Variants in PI4K2A observed in about 807,000 individuals in gnomAD.
PI4K2A encodes phosphatidylinositol 4-kinase type 2 alpha, also known as phosphatidylinositol 4-kinase type 2-alpha.
PI4K2A carries 20 observed loss-of-function variants against 55.0 expected under a neutral mutation model. The ratio of observed to expected loss-of-function variants is 0.36; its 90% CI spans 0.26 to 0.53. The LOEUF (loss-of-function observed/expected upper bound fraction) is 0.53. PI4K2A is among the 20% of genes least tolerant of loss of function. PI4K2A has a pLI of 0.91. For synonymous variants in PI4K2A, 235 were observed against 258.5 expected, an observed-to-expected ratio of 0.91 and a Z score of 0.87; for missense variants, 463 against 637.1, an observed-to-expected ratio of 0.73 and a Z score of 2.94.
At chr10:97,644,117 G>A (rs1053521529) in intron 1 of PI4K2A, among the ~76,000 whole-genome samples, 5 of 152,186 alleles carry the variant, frequency 3.3e-5, no homozygotes, top group Non-Finnish European at 5.9e-5. Flanking sequence ...TTGGGAGGCC[G>A]AGGCAGGCGC....
At chr10:97,649,763 A>G (rs2041522043) in intron 1 of PI4K2A, among the ~76,000 whole-genome samples, 1 of 151,668 alleles carries the variant, frequency 6.6e-6, no homozygotes, top group East Asian at 1.9e-4. Context: ...AGCTGGGATT[A>G]CAGGTGCATG....
intron 1 of PI4K2A, among the ~76,000 whole-genome samples, chr10:97,650,409 G>A (rs1388687775): frequency 6.6e-6 from 1 of 151,360 alleles, no homozygotes; most frequent in Admixed American, 6.6e-5. Context: ...AGCCTCTGAA[G>A]TAACTGGAAT....
rs1554878118 is a variant in PI4K2A at position 97,642,865 on chromosome 10, T to TCC, written c.435+1688_435+1689insCC. Among the ~76,000 whole-genome samples, 98 of 53,738 alleles carry TCC rather than the reference T, an allele frequency of 1.8e-3. 3 individuals carry two copies. Among genetic ancestry groups the TCC allele is most frequent in the East Asian group, 9.2e-3 (15 of 1,628 alleles). 35.3% of individuals were successfully genotyped at this position (53,738 alleles called of 152,430 possible). A position where few individuals can be genotyped will look rare whatever the true frequency, so the allele number is the denominator to read the frequency against. On this transcript the variant is annotated intron_variant, in intron 1 of 8. Transcript: ENST00000370631. ...TTCCTTCCTTCCTTTCTTTCTTTCT[T>TCC]TTTCTTTCTTTCTTTCTTTCTTCCT...
At chr10:97,646,030 T>G (rs1194224420) in intron 1 of PI4K2A, among the ~76,000 whole-genome samples, 2 of 152,036 alleles carry the variant, frequency 1.3e-5, no homozygotes, top group Non-Finnish European at 2.9e-5. Context: ...CTTTTTGGGG[T>G]CCACAGGTCA....
At chr10:97,673,547 C>T in intron 8 of PI4K2A, 34 bp from the exon 9 acceptor site, 2 of 1,552,140 alleles carry the variant, frequency 1.3e-6, no homozygotes, top group Admixed American at 3.4e-5. Context: ...ATGCTGAGGC[C>T]TCTCCCTCAC....
chr10:97,651,198 A>G, intron 2 of PI4K2A, 57 bp downstream of exon 2: 3 of 1,345,610 alleles, frequency 2.2e-6, no homozygotes, highest in Non-Finnish European at 3.2e-6. Context: ...CCTGGGGCCT[A>G]AGCCCTGCTA....
intron 8 of PI4K2A, among the ~76,000 whole-genome samples, chr10:97,672,894 C>A (rs544415046): frequency 8.6e-5 from 13 of 150,874 alleles, no homozygotes; most frequent in African/African-American, 3.2e-4. Flanking sequence ...CCCCACCTGG[C>A]TAATTTTTTT....
In PI4K2A at chr10:97,656,425, G is replaced by A. The variant is rs113448659; in HGVS notation, c.768+9G>A. The A allele has an allele frequency of 1.2e-4, 191 of 1,612,694 alleles. No individual in the cohort carries two copies. In the African/African-American group the frequency reaches 1.7e-3, roughly 14 times the overall value. On this transcript the variant is annotated intron_variant, in intron 3 of 8. Transcript: ENST00000370631. This position sits in a 1 kb window ranked among gnomAD's most constrained non-coding sequence, Gnocchi z 4.5. ...TCGGGCTACCACCAAAGGTATAGAC[G>A]CACCTCTGGCTTATCAAGGGTCATG...
At chr10:97,660,715 T>C (rs1177484640) in intron 4 of PI4K2A, among the ~76,000 whole-genome samples, 1 of 152,120 alleles carries the variant, frequency 6.6e-6, no homozygotes, top group African/African-American at 2.4e-5. Flanking sequence ...ATTTTTTTTA[T>C]CCTCTCAGTT....
rs762040372 is a variant in PI4K2A, at chr10:97,673,631, C to T, written c.1329C>T (p.Leu443=). 7.4e-6 allele frequency: 12 copies of T among 1,613,922 alleles called. No individual in the cohort carries two copies. In the Admixed American group the frequency reaches 8.3e-5, roughly 11 times the overall value. Residue 443 remains leucine, a synonymous_variant, in exon 9 of 9, where the codon CTC becomes CTT. Coordinates refer to ENST00000370631, the Ensembl canonical transcript of PI4K2A. ...AAGACAACAAGAGTCCCCTGCACCTCGTCCAGATGCCACCTGTGATTGTCG... is the reference window on the plus strand; with the variant it reads ...AAGACAACAAGAGTCCCCTGCACCTTGTCCAGATGCCACCTGTGATTGTCG...
chr10:97,653,981 T>C (rs766742822), intron 2 of PI4K2A, among the ~76,000 whole-genome samples: 1 of 152,304 alleles, frequency 6.6e-6, no homozygotes, highest in South Asian at 2.1e-4. Flanking sequence ...GCTTAACATA[T>C]AGCTGCTGGA....
intron 4 of PI4K2A, among the ~76,000 whole-genome samples, chr10:97,662,468 T>C (rs1035284100): frequency 1.5e-4 from 23 of 152,174 alleles, no homozygotes; most frequent in African/African-American, 4.8e-4. Context: ...TGAGGGGAGC[T>C]TAGTGTATTT....
intron 1 of PI4K2A, among the ~76,000 whole-genome samples, chr10:97,642,556 A>G (rs1326526832): frequency 1.3e-5 from 2 of 151,662 alleles, no homozygotes; most frequent in Admixed American, 1.3e-4. Context: ...GTGCACCACC[A>G]CACCCAGCTA....
chr10:97,646,720 T>C (rs891162855), intron 1 of PI4K2A, among the ~76,000 whole-genome samples: 1 of 152,142 alleles, frequency 6.6e-6, no homozygotes, highest in African/African-American at 2.4e-5. Context: ...CCCTCCTCCT[T>C]GTCATTGCTG....
chr10:97,644,862 G>A (rs548294140), intron 1 of PI4K2A, among the ~76,000 whole-genome samples: 1 of 152,222 alleles, frequency 6.6e-6, no homozygotes, highest in East Asian at 1.9e-4. Flanking sequence ...CAGAGATTGG[G>A]AGAACCAGCA....
chr10:97,671,149 A>AAG (rs1554879769), intron 8 of PI4K2A, among the ~76,000 whole-genome samples: 14 of 151,560 alleles, frequency 9.2e-5, no homozygotes, highest in East Asian at 1.9e-4. Context: ...GAAAAAAAAA[A>AAG]AGAGAGAGAG....
chr10:97,672,837 T>C (rs1040263247), intron 8 of PI4K2A, among the ~76,000 whole-genome samples: 1 of 149,544 alleles, frequency 6.7e-6, no homozygotes, highest in East Asian at 2.0e-4. Flanking sequence ...GTTCAAGTGA[T>C]TCTTATGCCC....
At chr10:97,675,597 T>C (rs1271848891) in exon 9 of PI4K2A, 1 of 152,480 alleles carries the variant, frequency 6.6e-6, no homozygotes, top group Non-Finnish European at 1.5e-5. Context: ...GCCCATCTGG[T>C]GCTCAAGAGA....
Position 97,672,725 on chromosome 10 carries a change from C to CTTTTTTT in PI4K2A, c.1279-838_1279-832dup, listed in dbSNP as rs146627600. Among the ~76,000 whole-genome samples, 161 of 83,938 alleles carry CTTTTTTT rather than the reference C, an allele frequency of 1.9e-3. 18 individuals carry two copies. The highest frequency in any genetic ancestry group is 5.0e-3 in the African/African-American group (96 of 19,368). 55.1% of individuals were successfully genotyped at this position (83,938 alleles called of 152,430 possible). ...GAATTGCCGAGTCAGAGGGTCTGTT[C>CTTTTTTT]TTTTTTTTTTTTTTTTTTTTTTTTG... On this transcript the variant is annotated intron_variant, in intron 8 of 8. Transcript: ENST00000370631.
Sources: allele counts gnomAD v4.1 joint callset (sites outside exome capture counted in the v4.1 genomes callset), GRCh38; gene constraint gnomAD v4.1.1; non-coding constraint Gnocchi (gnomAD v3.1); transcripts MANE v1.5; gene names NCBI Gene and HGNC (gene_info 2026-07-23, HGNC 2026-07-21).